FILIP1: variants seen among roughly 807,000 people sequenced by gnomAD.
FILIP1 encodes filamin A interacting protein 1.
In FILIP1, 61 loss-of-function variants were observed where a neutral mutation model predicts 102.1. The observed-to-expected ratio is 0.60, with a 90% CI of 0.49 to 0.74. The LOEUF (loss-of-function observed/expected upper bound fraction) is 0.74. Among genes scored for constraint, FILIP1 ranks in the 30% least tolerant of loss-of-function variants. The pLI is 0.00. For synonymous variants in FILIP1, 491 were observed against 526.9 expected, an observed-to-expected ratio of 0.93 and a Z score of 0.93; for missense variants, 1,314 against 1,441.2, an observed-to-expected ratio of 0.91 and a Z score of 1.43.
intron 6 of FILIP1, among the ~76,000 whole-genome samples, chr6:75,296,228 G>A (rs1772663446): frequency 6.6e-6 from 1 of 151,846 alleles, no homozygotes; most frequent in Admixed American, 6.6e-5. Context: ...AACAAAGATA[G>A]TAATTACTAT....
chr6:75,372,295 A>AT, intron 2 of FILIP1, among the ~76,000 whole-genome samples: 1 of 146,450 alleles, frequency 6.8e-6, no homozygotes, highest in South Asian at 2.3e-4. Context: ...TGAACTTGGG[A>AT]TGTGGAGGTT....
intron 4 of FILIP1, among the ~76,000 whole-genome samples, chr6:75,328,030 T>A (rs542324327): frequency 6.6e-6 from 1 of 152,284 alleles, no homozygotes; most frequent in African/African-American, 2.4e-5. Flanking sequence ...ATCCAAAATG[T>A]GGGCAACTAC....
chr6:75,481,027 AG>A (rs1779636877), intron 1 of FILIP1, among the ~76,000 whole-genome samples: 2 of 152,178 alleles, frequency 1.3e-5, no homozygotes, highest in South Asian at 4.1e-4. Context: ...GCTTTCCCTT[AG>A]AACTTGTTTG....
chr6:75,304,601 C>T (rs1220740680), downstream of FILIP1, among the ~76,000 whole-genome samples: 2 of 152,064 alleles, frequency 1.3e-5, no homozygotes, highest in Non-Finnish European at 2.9e-5. Context: ...AGGATGTAAT[C>T]ATATTGGGAA....
chr6:75,317,868 G>A (rs142276626), intron 4 of FILIP1, among the ~76,000 whole-genome samples: 129 of 152,254 alleles, frequency 8.5e-4, no homozygotes, highest in African/African-American at 3.0e-3. Context: ...CCAGGATCAA[G>A]GTAAAGTTGC....
At chr6:75,298,303 C>G (rs1475640786) in intron 6 of FILIP1, among the ~76,000 whole-genome samples, 2 of 152,130 alleles carry the variant, frequency 1.3e-5, no homozygotes, top group Non-Finnish European at 2.9e-5. Context: ...CTCAGAAATA[C>G]TTGATAATGC....
intron 4 of FILIP1, among the ~76,000 whole-genome samples, chr6:75,340,445 A>G (rs1363136366): frequency 6.6e-6 from 1 of 152,198 alleles, no homozygotes; most frequent in African/African-American, 2.4e-5. Context: ...TGACTATGAT[A>G]ATGGTCATTA....
intron 1 of FILIP1, chr6:75,473,679 C>A (rs1779394836): frequency 6.6e-6 from 1 of 152,154 alleles, no homozygotes; most frequent in African/African-American, 2.4e-5. Flanking sequence ...CATAAAGACA[C>A]AGTTTTATTT....
chr6:75,467,034 T>C (rs1779189816), intron 1 of FILIP1, among the ~76,000 whole-genome samples: 1 of 152,176 alleles, frequency 6.6e-6, no homozygotes. Context: ...CTTTTCTCCT[T>C]TAACTATCCT....
At chr6:75,350,726 TA>T (rs1390220097) in intron 4 of FILIP1, among the ~76,000 whole-genome samples, 2 of 152,334 alleles carry the variant, frequency 1.3e-5, no homozygotes, top group African/African-American at 4.8e-5. Context: ...TACACACTTT[TA>T]TTAAACCAAT....
downstream of FILIP1, among the ~76,000 whole-genome samples, chr6:75,303,093 G>A (rs569834737): frequency 3.3e-5 from 5 of 152,212 alleles, no homozygotes; most frequent in East Asian, 9.7e-4. Flanking sequence ...GCTGAATGAG[G>A]GCAGAAGGAG....
intron 4 of FILIP1, among the ~76,000 whole-genome samples, chr6:75,318,706 G>C (rs1036692915): frequency 4.6e-5 from 7 of 152,060 alleles, no homozygotes; most frequent in African/African-American, 1.7e-4. Context: ...CTGCATCAGA[G>C]ACAACTGAAA....
chr6:75,476,663 C>A (rs999831628), intron 1 of FILIP1, among the ~76,000 whole-genome samples: 11 of 152,142 alleles, frequency 7.2e-5, no homozygotes. Flanking sequence ...TGAAAAATAT[C>A]TGGAATTTAG....
At chr6:75,455,340 T>C (rs1002126308) in intron 1 of FILIP1, 6 of 143,510 alleles carry the variant, frequency 4.2e-5, no homozygotes, top group Admixed American at 1.4e-4. Flanking sequence ...TTTGATGACA[T>C]CACAACTTGA....
At position 75,298,399 on chromosome 6, in the gene FILIP1, A is replaced by G. The variant is rs16886436; in HGVS notation, c.3494-2449T>C. Among the ~76,000 whole-genome samples the G allele has an allele frequency of 9.7e-3, 1,484 of 152,338 alleles. 25 individuals carry two copies. Among genetic ancestry groups the G allele is most frequent in the Middle Eastern group, 0.027 (8 of 294 alleles). Reference sequence around the variant, plus strand: ...GTACATAAACTTTATTTAAAAGAATACAATTAAGCCCAAATTATGTTGTTT... The same window carrying G: ...GTACATAAACTTTATTTAAAAGAATGCAATTAAGCCCAAATTATGTTGTTT... On this transcript the variant is annotated intron_variant, in intron 6 of 6. Transcript: ENST00000393004.
intron 2 of FILIP1, among the ~76,000 whole-genome samples, chr6:75,387,529 T>C (rs1776141277): frequency 6.6e-6 from 1 of 152,160 alleles, no homozygotes; most frequent in Non-Finnish European, 1.5e-5. Context: ...CGTTCCTATT[T>C]CTCCACATCC....
rs62414165 is a variant in FILIP1 at position 75,328,783 on chromosome 6, C to T, written c.630-13581G>A. 3.7e-3 allele frequency among the ~76,000 whole-genome samples: 560 copies of T among 152,266 alleles called. 2 individuals are homozygous for T. Among genetic ancestry groups the T allele is most frequent in the Non-Finnish European group, 5.9e-3 (401 of 68,012 alleles). On this transcript the variant is annotated intron_variant, in intron 4 of 5. Coordinates refer to ENST00000237172, the MANE Select transcript of FILIP1 (RefSeq NM_015687.5). The stretch of plus-strand genomic sequence containing the variant: ...GATTACAGGCATGAGCCACCGTGCC[C>T]AGCTAATAATGTTTTTTTAAAAAAT...
intron 2 of FILIP1, among the ~76,000 whole-genome samples, chr6:75,404,834 G>T (rs143863368): frequency 1.8e-4 from 27 of 152,174 alleles, no homozygotes; most frequent in African/African-American, 6.0e-4. Flanking sequence ...TCATACTTTT[G>T]ATTCACCACT....
At chr6:75,441,483 A>G (rs1778224721) in intron 1 of FILIP1, among the ~76,000 whole-genome samples, 2 of 151,860 alleles carry the variant, frequency 1.3e-5, no homozygotes, top group Admixed American at 6.5e-5. Flanking sequence ...CCCGTTCTCA[A>G]TGAGCTGTTG....
Sources: allele counts gnomAD v4.1 joint callset (sites outside exome capture counted in the v4.1 genomes callset), GRCh38; gene constraint gnomAD v4.1.1; transcripts MANE v1.5; gene names NCBI Gene and HGNC (gene_info 2026-07-23, HGNC 2026-07-21).